Variants in SCFD2 observed in about 807,000 individuals in gnomAD.
SCFD2 encodes the protein sec1 family domain containing 2.
Under a neutral mutation model 58.9 loss-of-function variants are expected in SCFD2, and 54 were observed. The observed-to-expected ratio is 0.92, with a 90% CI of 0.74 to 1.15. The LOEUF (loss-of-function observed/expected upper bound fraction) is 1.15, where lower values mean the gene tolerates loss of function less well. Among genes scored for constraint, SCFD2 ranks in the 50% most tolerant of loss-of-function variants. The probability of loss-of-function intolerance (pLI) is 0.00; values close to 1 mark genes in which losing one functional copy is unlikely to be tolerated. For synonymous variants in SCFD2, 321 were observed against 335.9 expected (o/e 0.96, Z 0.49); for missense variants, 805 against 836.6 (o/e 0.96, Z 0.47).
At chr4:53,053,531 T>TAATC (rs1723242950) in intron 5 of SCFD2, among the ~76,000 whole-genome samples, 2 of 152,194 alleles carry the variant, frequency 1.3e-5, no homozygotes, top group South Asian at 4.1e-4. Flanking sequence ...AAGCTCTTTG[T>TAATC]AATCTACTCC....
intron 5 of SCFD2, among the ~76,000 whole-genome samples, chr4:52,981,628 C>G (rs1721376722): frequency 6.6e-6 from 1 of 151,712 alleles, no homozygotes; most frequent in African/African-American, 2.4e-5. Context: ...AAATCAAGGC[C>G]CAGAAGGTTA....
intron 2 of SCFD2, among the ~76,000 whole-genome samples, chr4:53,324,860 G>A (rs186046178): frequency 4.6e-5 from 7 of 152,282 alleles, no homozygotes; most frequent in Admixed American, 2.6e-4. Context: ...GACTCCAGGT[G>A]CCAGAGCATC....
intron 4 of SCFD2, among the ~76,000 whole-genome samples, chr4:53,246,916 C>G (rs1730097012): frequency 7.0e-6 from 1 of 143,150 alleles, no homozygotes; most frequent in Non-Finnish European, 1.5e-5. Flanking sequence ...ATACAGCCTA[C>G]AGAATGGAAA....
intron 3 of SCFD2, among the ~76,000 whole-genome samples, chr4:53,295,382 T>C (rs777414825): frequency 6.6e-6 from 1 of 152,148 alleles, no homozygotes; most frequent in African/African-American, 2.4e-5. Flanking sequence ...ATTCCAATTA[T>C]TTTATTGTCT....
intron 4 of SCFD2, among the ~76,000 whole-genome samples, chr4:53,147,785 T>A (rs565760480): frequency 1.3e-3 from 193 of 152,322 alleles, no homozygotes; most frequent in Middle Eastern, 6.8e-3. Context: ...ATGAGTTTTT[T>A]AAAAATTGCA....
At position 53,299,709 on chromosome 4, in the gene SCFD2, T is replaced by C. The variant is rs548950960; in HGVS notation, c.1135+13927A>G. ...GGGCAGCCAGAGATAAACGTCAGGT[T>C]ACCCACAAAGGGAAGCCCATCAGAC... On this transcript the variant is annotated intron_variant, in intron 3 of 8. Coordinates refer to ENST00000401642, the MANE Select transcript of SCFD2 (RefSeq NM_152540.4). Among the ~76,000 whole-genome samples, 20 of 152,276 alleles carry C rather than the reference T, an allele frequency of 1.3e-4. No homozygotes were observed. In the East Asian group the frequency reaches 1.9e-3, roughly 15 times the overall value.
Position 53,345,447 on chromosome 4 carries a change from A to G in SCFD2, c.1007+7151T>C, listed in dbSNP as rs115290440. 8.6e-3 allele frequency among the ~76,000 whole-genome samples: 1,303 copies of G among 152,262 alleles called. 23 individuals are homozygous for G. The highest frequency in any genetic ancestry group is 0.03 in the African/African-American group (1,232 of 41,552). On this transcript the variant is annotated intron_variant, in intron 2 of 8. Transcript: ENST00000401642. ...GCGATCATTAAAAAATCATCAAACA[A>G]TAGCTGCTGGAGAGGATGTGGAGAA...
chr4:53,039,643 G>A (rs762862020), intron 5 of SCFD2, among the ~76,000 whole-genome samples: 4 of 152,144 alleles, frequency 2.6e-5, no homozygotes, highest in East Asian at 1.9e-4. Flanking sequence ...CTCCTGCCCC[G>A]ATAGATCACA....
chr4:53,350,038 T>C (rs949883570), intron 2 of SCFD2, among the ~76,000 whole-genome samples: 2 of 152,190 alleles, frequency 1.3e-5, no homozygotes, highest in Non-Finnish European at 2.9e-5. Context: ...ATAGAGATAT[T>C]GTGAGAAGTA....
chr4:52,917,567 G>A (rs1719638264), intron 6 of SCFD2, among the ~76,000 whole-genome samples: 1 of 152,174 alleles, frequency 6.6e-6, no homozygotes, highest in Non-Finnish European at 1.5e-5. Context: ...AAAGACAGGT[G>A]CTGTCTCCAG....
intron 5 of SCFD2, among the ~76,000 whole-genome samples, chr4:52,923,481 T>TAAAC (rs1719791221): frequency 7.2e-6 from 1 of 138,032 alleles, no homozygotes; most frequent in South Asian, 2.2e-4. Context: ...GCATCTCAAA[T>TAAAC]AAATAAATAA....
At chr4:52,901,189 G>A (rs1468977052) in intron 7 of SCFD2, among the ~76,000 whole-genome samples, 2 of 152,284 alleles carry the variant, frequency 1.3e-5, no homozygotes, top group Non-Finnish European at 2.9e-5. Context: ...AGATGAACCC[G>A]GTACCTCAGT....
chr4:52,912,458 T>G (rs1719508986), intron 6 of SCFD2, among the ~76,000 whole-genome samples: 1 of 152,132 alleles, frequency 6.6e-6, no homozygotes, highest in African/African-American at 2.4e-5. Context: ...TAGTAAACGA[T>G]GTAAATATTA....
intron 5 of SCFD2, among the ~76,000 whole-genome samples, chr4:52,970,229 C>A (rs1460237469): frequency 6.6e-6 from 1 of 152,190 alleles, no homozygotes; most frequent in Non-Finnish European, 1.5e-5. Flanking sequence ...CATCGCCTCA[C>A]CCGGTAAGTG....
chr4:53,202,277 T>A (rs905378663), intron 4 of SCFD2, among the ~76,000 whole-genome samples: 4 of 152,226 alleles, frequency 2.6e-5, no homozygotes, highest in Non-Finnish European at 5.9e-5. Flanking sequence ...ATTTATTTAA[T>A]AGGGAATCCT....
intron 4 of SCFD2, among the ~76,000 whole-genome samples, chr4:53,213,412 G>A (rs1222783882): frequency 3.9e-5 from 6 of 152,062 alleles, no homozygotes; most frequent in Non-Finnish European, 7.4e-5. Flanking sequence ...TCAGGGACCT[G>A]ACCTTTGATA....
chr4:53,152,788 G>C (rs1367637818), intron 4 of SCFD2, among the ~76,000 whole-genome samples: 1 of 152,194 alleles, frequency 6.6e-6, no homozygotes, highest in South Asian at 2.1e-4. Flanking sequence ...TACAATGGTG[G>C]TATAGAAATT....
intron 5 of SCFD2, among the ~76,000 whole-genome samples, chr4:53,022,962 A>G (rs1005115219): frequency 3.3e-5 from 5 of 152,210 alleles, no homozygotes; most frequent in African/African-American, 1.2e-4. Flanking sequence ...TCTATAAAGC[A>G]GTGCTTCTAC....
chr4:53,178,350 C>T (rs1472336579), intron 4 of SCFD2, among the ~76,000 whole-genome samples: 2 of 152,190 alleles, frequency 1.3e-5, no homozygotes, highest in African/African-American at 4.8e-5. Flanking sequence ...CCAATATCCG[C>T]TGTTCTGCAG....
Sources: allele counts gnomAD v4.1 joint callset (sites outside exome capture counted in the v4.1 genomes callset), GRCh38; gene constraint gnomAD v4.1.1; transcripts MANE v1.5; gene names NCBI Gene and HGNC (gene_info 2026-07-23, HGNC 2026-07-21).